EYA2: variants seen among roughly 807,000 people sequenced by gnomAD.
EYA2 encodes EYA transcriptional coactivator and phosphatase 2, also known as protein phosphatase EYA2.
A neutral mutation model predicts 69.2 loss-of-function variants in EYA2; 31 were observed. The ratio of observed to expected loss-of-function variants is 0.45; its 90% CI spans 0.34 to 0.60. The LOEUF is 0.60. EYA2 is among the 20% of genes least tolerant of loss of function. The pLI is 0.02. For missense variants in EYA2, 622 were observed against 701.2 expected (o/e 0.89, Z 1.28); for synonymous variants, 257 against 279.4 (o/e 0.92, Z 0.80).
intron 10 of EYA2, among the ~76,000 whole-genome samples, chr20:47,156,149 T>C (rs763570954): frequency 0.024 from 586 of 24,070 alleles, 6 homozygotes; most frequent in Non-Finnish European, 0.032. Flanking sequence ...TATATATATA[T>C]ATATATATAT....
At chr20:47,151,874 C>G (rs2033830290) in intron 10 of EYA2, among the ~76,000 whole-genome samples, 1 of 152,004 alleles carries the variant, frequency 6.6e-6, no homozygotes, top group Non-Finnish European at 1.5e-5. Context: ...AGTAGGTGAT[C>G]AGTAAATCGT....
intron 9 of EYA2, among the ~76,000 whole-genome samples, chr20:47,139,816 A>C (rs189961327): frequency 6.6e-6 from 1 of 152,284 alleles, no homozygotes; most frequent in Non-Finnish European, 1.5e-5. Flanking sequence ...CTGGCTTCCC[A>C]AAATATACTA....
rs150499792 is a variant in EYA2, at chr20:47,016,918, G to A, written c.415+621G>A. Among the ~76,000 whole-genome samples, 219 of 152,318 alleles carry A rather than the reference G, an allele frequency of 1.4e-3. 1 individual carries two copies. Among genetic ancestry groups the A allele is most frequent in the African/African-American group, 5.1e-3 (212 of 41,570 alleles). On this transcript the variant is annotated intron_variant, in intron 5 of 15. Transcript: ENST00000327619. ...CTTGTATTTTAAGTGTGATGGGACA[G>A]GCAAGTCTATTGTAGAGACTCAGAA... is the stretch of plus-strand genomic sequence containing the variant.
chr20:47,104,381 T>C (rs1309426828), intron 9 of EYA2, among the ~76,000 whole-genome samples: 2 of 152,176 alleles, frequency 1.3e-5, no homozygotes, highest in Non-Finnish European at 2.9e-5. Flanking sequence ...ATTCTGTGAG[T>C]TGTCTTTCCA....
chr20:47,043,703 G>A (rs1393245892), intron 5 of EYA2, among the ~76,000 whole-genome samples: 2 of 152,134 alleles, frequency 1.3e-5, no homozygotes, highest in Admixed American at 1.3e-4. Context: ...CTGTTGTGAG[G>A]ATTAAATAAG....
chr20:47,125,805 C>A (rs2033175932), intron 9 of EYA2, among the ~76,000 whole-genome samples: 1 of 152,140 alleles, frequency 6.6e-6, no homozygotes, highest in Non-Finnish European at 1.5e-5. Flanking sequence ...TTGTAAACAG[C>A]TCCTTGGCGG....
In EYA2 at chr20:47,135,836, AAAAAACAAACAAACAAAC is replaced by A. The variant is rs1385030894; in HGVS notation, c.889-7217_889-7200del. Among the ~76,000 whole-genome samples the A allele has an allele frequency of 3.0e-3, 251 of 83,310 alleles. 10 individuals carry two copies. The highest frequency in any genetic ancestry group is 9.0e-3 in the African/African-American group (117 of 12,980). The allele number at this position is 83,310 out of a possible 152,430, so 54.7% of individuals were successfully genotyped here. ...GTCTCTACAAAAAAAAAAAAAAAAAAAAAAACAAACAAACAAACAAAAAACTAATTAATTAATTAATTA... is the reference window on the plus strand; with the variant it reads ...GTCTCTACAAAAAAAAAAAAAAAAAAAAAAAACTAATTAATTAATTAATTA... On this transcript the variant is annotated intron_variant, in intron 9 of 15. Coordinates refer to ENST00000327619, the MANE Select transcript of EYA2 (RefSeq NM_005244.5).
rs56834738 is a variant in EYA2, at chr20:46,908,870, C to CTTTTT, written c.-11+13916_-11+13920dup. On this transcript the variant is annotated intron_variant, in intron 1 of 15. Coordinates refer to ENST00000327619, the MANE Select transcript of EYA2 (RefSeq NM_005244.5). The stretch of plus-strand genomic sequence containing the variant: ...AAAGGCACTAAGCCTCTCTCCCGCA[C>CTTTTT]TTTTTTTTTTTTTTTTTTTTTTTTT... Among the ~76,000 whole-genome samples, 65 of 47,582 alleles carry CTTTTT rather than the reference C, an allele frequency of 1.4e-3. 19 individuals carry two copies. The highest frequency in any genetic ancestry group is 6.2e-3 in the East Asian group (5 of 806). 31.2% of individuals were successfully genotyped at this position (47,582 alleles called of 152,430 possible).
chr20:46,950,165 G>A (rs1296397236), intron 1 of EYA2, among the ~76,000 whole-genome samples: 1 of 152,160 alleles, frequency 6.6e-6, no homozygotes, highest in Non-Finnish European at 1.5e-5. Flanking sequence ...GTTTCTCCCA[G>A]GATAACATGT....
intron 1 of EYA2, among the ~76,000 whole-genome samples, chr20:46,933,687 G>A (rs1225212564): frequency 6.6e-6 from 1 of 152,230 alleles, no homozygotes; most frequent in East Asian, 1.9e-4. Flanking sequence ...AGAAATGACC[G>A]TGCTACAGCT....
At chr20:47,139,582 ACCACACC>A (rs2146593648) in intron 9 of EYA2, among the ~76,000 whole-genome samples, 1 of 152,250 alleles carries the variant, frequency 6.6e-6, no homozygotes, top group South Asian at 2.1e-4. Context: ...GGCATGCGCC[ACCACACC>A]CGGCTAATTT....
At chr20:47,103,858 A>G (rs1225905410) in intron 9 of EYA2, among the ~76,000 whole-genome samples, 1 of 152,208 alleles carries the variant, frequency 6.6e-6, no homozygotes, top group Admixed American at 6.5e-5. Flanking sequence ...TATCAGTTGG[A>G]TAGTTGAAGT....
At chr20:47,004,895 G>T (rs376770563) in intron 3 of EYA2, 47 bp from the exon 4 acceptor site, 2 of 1,613,656 alleles carry the variant, frequency 1.2e-6, no homozygotes, top group East Asian at 4.5e-5. Flanking sequence ...AGGAAGAAGG[G>T]GTGCCAGACT....
intron 4 of EYA2, among the ~76,000 whole-genome samples, chr20:47,006,014 C>G (rs1421735324): frequency 6.6e-6 from 1 of 152,230 alleles, no homozygotes; most frequent in Non-Finnish European, 1.5e-5. Context: ...AGGCCTGGGT[C>G]CAGGTCCTCA....
chr20:46,948,783 G>A (rs1978625961), intron 1 of EYA2, among the ~76,000 whole-genome samples: 1 of 152,184 alleles, frequency 6.6e-6, no homozygotes, highest in Non-Finnish European at 1.5e-5. Context: ...TCCAAACTTA[G>A]AGACACAAGT....
intron 9 of EYA2, among the ~76,000 whole-genome samples, chr20:47,133,968 T>C (rs1431712536): frequency 1.3e-5 from 2 of 152,208 alleles, no homozygotes; most frequent in East Asian, 1.9e-4. Context: ...AAGTGCATGG[T>C]GTGGCCCAAG....
intron 12 of EYA2, among the ~76,000 whole-genome samples, chr20:47,176,253 T>C (rs2034425792): frequency 6.6e-6 from 1 of 151,920 alleles, no homozygotes; most frequent in Non-Finnish European, 1.5e-5. Flanking sequence ...CTAATTTTTG[T>C]ATTTTTAATA....
chr20:46,988,694 G>T (rs1171685198), intron 1 of EYA2, among the ~76,000 whole-genome samples: 1 of 152,130 alleles, frequency 6.6e-6, no homozygotes, highest in Non-Finnish European at 1.5e-5. Flanking sequence ...AAACCCAGTG[G>T]GTGGGAATTT....
At chr20:46,987,162 G>A (rs1040471389) in intron 1 of EYA2, among the ~76,000 whole-genome samples, 1 of 152,174 alleles carries the variant, frequency 6.6e-6, no homozygotes. Context: ...GCCACACACG[G>A]TCTCTGTTGA....
Sources: allele counts gnomAD v4.1 joint callset (sites outside exome capture counted in the v4.1 genomes callset), GRCh38; gene constraint gnomAD v4.1.1; transcripts MANE v1.5; gene names NCBI Gene and HGNC (gene_info 2026-07-23, HGNC 2026-07-21).